TYW2: variants seen among roughly 807,000 people sequenced by gnomAD.
The protein encoded by TYW2 is tRNA wybutosine-synthesizing protein 2, also known as tRNA wybutosine-synthesizing protein 2 homolog.
the TYW2 span, chr8:124,450,932 G>A: frequency 1.2e-5 from 20 of 1,612,712 alleles, no homozygotes; most frequent in South Asian, 1.9e-4. Context: ...GAGGTGATGA[G>A]AGAGAATGTG....
At chr8:124,451,402 G>C in the TYW2 span, 20 of 1,614,156 alleles carry the variant, frequency 1.2e-5, no homozygotes, top group Admixed American at 3.3e-5. Flanking sequence ...TCTGGGACCG[G>C]AACTCTGGGA....
the TYW2 span, chr8:124,451,797 C>T: frequency 2.5e-6 from 4 of 1,614,178 alleles, no homozygotes; most frequent in Non-Finnish European, 3.4e-6. Flanking sequence ...GCCAAATACA[C>T]TTTGGAGATA....
the TYW2 span, chr8:124,452,137 G>T: frequency 5.6e-6 from 9 of 1,614,192 alleles, no homozygotes; most frequent in Non-Finnish European, 7.6e-6. Flanking sequence ...AACTCGAATC[G>T]CCACTCTTCT....
chr8:124,450,839 C>T, the TYW2 span: 3 of 1,464,706 alleles, frequency 2.0e-6, no homozygotes, highest in Non-Finnish European at 2.8e-6. Context: ...ACCGGCATGG[C>T]CGGGTGAGCT....
chr8:124,451,795 C>T, the TYW2 span: 1 of 1,614,140 alleles, frequency 6.2e-7, no homozygotes, highest in Non-Finnish European at 8.5e-7. Context: ...GTGCCAAATA[C>T]ACTTTGGAGA....
the TYW2 span, chr8:124,450,889 G>C: frequency 7.4e-5 from 116 of 1,574,738 alleles, no homozygotes; most frequent in African/African-American, 1.4e-3. Context: ...TAGTCAGCCT[G>C]GTGAGCCGAC....
the TYW2 span, chr8:124,451,157 G>C: frequency 1.2e-6 from 2 of 1,614,202 alleles, no homozygotes; most frequent in African/African-American, 1.3e-5. Context: ...CTGAGGAATC[G>C]TGTTGCCCCA....
the TYW2 span, chr8:124,452,020 C>G: frequency 1.9e-6 from 3 of 1,614,164 alleles, no homozygotes; most frequent in Admixed American, 5.0e-5. Context: ...GTATCCTCAG[C>G]AAATTACCAC....
chr8:124,451,283 G>A, the TYW2 span: 1 of 1,614,172 alleles, frequency 6.2e-7, no homozygotes, highest in African/African-American at 1.3e-5. Context: ...GAGGGTCGGG[G>A]AGTCAAGTGG....
the TYW2 span, chr8:124,451,114 G>A: frequency 3.1e-6 from 5 of 1,613,952 alleles, no homozygotes; most frequent in South Asian, 3.3e-5. Flanking sequence ...ACCGGTGCTG[G>A]GAGAGACGCT....
the TYW2 span, chr8:124,451,767 C>A: frequency 6.2e-7 from 1 of 1,614,118 alleles, no homozygotes; most frequent in Non-Finnish European, 8.5e-7. Context: ...ACCTTGAGAT[C>A]AATGGAGTAG....
chr8:124,451,364 A>G, the TYW2 span: 2 of 1,614,062 alleles, frequency 1.2e-6, no homozygotes, highest in Non-Finnish European at 1.7e-6. Context: ...CTGAGTGAAG[A>G]CTGTTTCCAA....
the TYW2 span, chr8:124,450,973 A>G: frequency 1.9e-6 from 3 of 1,614,062 alleles, no homozygotes; most frequent in East Asian, 2.2e-5. Flanking sequence ...AGAAAGTGGG[A>G]AGCCCGTGGC....
At chr8:124,451,499 T>A in the TYW2 span, 3 of 1,614,126 alleles carry the variant, frequency 1.9e-6, no homozygotes, top group African/African-American at 4.0e-5. Context: ...GCAGTGACAC[T>A]GCTGCTGGGT....
the TYW2 span, chr8:124,451,683 C>T: frequency 6.2e-7 from 1 of 1,614,194 alleles, no homozygotes; most frequent in East Asian, 2.2e-5. Flanking sequence ...CATTGCCTTT[C>T]CTAGTTCATG....
the TYW2 span, chr8:124,450,835 A>T: frequency 4.7e-5 from 68 of 1,449,134 alleles, no homozygotes; most frequent in South Asian, 8.9e-4. Context: ...CGGCACCGGC[A>T]TGGCCGGGTG....
chr8:124,451,675 T>C, the TYW2 span: 1 of 1,614,218 alleles, frequency 6.2e-7, no homozygotes, highest in South Asian at 1.1e-5. Flanking sequence ...TTATTTTACA[T>C]TGCCTTTCCT....
the TYW2 span, chr8:124,451,687 G>A: frequency 6.2e-7 from 1 of 1,614,230 alleles, no homozygotes; most frequent in Non-Finnish European, 8.5e-7. Flanking sequence ...GCCTTTCCTA[G>A]TTCATGCTGG....
At chr8:124,452,225 A>G in the TYW2 span, 10 of 1,614,200 alleles carry the variant, frequency 6.2e-6, no homozygotes, top group Non-Finnish European at 8.5e-6. Flanking sequence ...CCCCATGTGG[A>G]TCACATAGTC....
Sources: allele counts gnomAD v4.1 joint callset, GRCh38; gene constraint gnomAD v4.1.1; transcripts MANE v1.5; gene names NCBI Gene and HGNC (gene_info 2026-07-23, HGNC 2026-07-21).